CHD3: variants seen among roughly 807,000 people sequenced by gnomAD.
CHD3 encodes the protein ATP-dependent chromatin remodeler CHD3.
A neutral mutation model predicts 248.9 loss-of-function variants in CHD3; 52 were observed. The observed-to-expected ratio is 0.21, with a 90% CI of 0.17 to 0.26. CHD3 has a LOEUF of 0.26. CHD3 is among the 10% of genes least tolerant of loss of function. CHD3 has a pLI of 1.00. For missense variants in CHD3, 1,482 were observed against 2,605.8 expected (o/e 0.57, Z 9.39); for synonymous variants, 985 against 985.2 (o/e 1.00, Z 0.00).
chr17:7,903,879 C>T lies in CHD3; in HGVS notation c.3782C>T (p.Ala1261Val), dbSNP rs1195683270. The change falls in exon 24 of 40, where the codon GCT becomes GTT. Residue 1261 changes from alanine to valine, a missense_variant. Ala to Val is a moderately conservative substitution (Grantham distance 64, BLOSUM62 0). This residue lies in a region of CHD3 where 156 missense variants were observed against 420.3 expected (regional missense o/e 0.37). Transcript: ENST00000330494. The surrounding 1 kb of genome is among the most constrained non-coding windows in gnomAD (Gnocchi z 6.8). ...ATTCATTATGACAATGAGGCCATCG[C>T]TCGGCTGTTGGACCGGAACCAGGAT... Reference protein sequence around the residue: ...SVIHYDNEAIARLLDRNQDAT... With the variant: ...SVIHYDNEAIVRLLDRNQDAT... 1.2e-6 allele frequency: 2 copies of T among 1,614,112 alleles called. No homozygotes were observed. The highest frequency in any genetic ancestry group is 1.7e-6 in the Non-Finnish European group (2 of 1,180,008).
In CHD3 at chr17:7,897,354, A is replaced by C; in HGVS notation, c.1919+60A>C. ...ATATGACATTATTCTTACCATGGTG[A>C]TGGCCCCATGTTAGTATTTGCTGAT... On this transcript the variant is annotated intron_variant, in intron 11 of 39. Coordinates refer to ENST00000330494, the MANE Select transcript of CHD3 (RefSeq NM_001005273.3). This position sits in a 1 kb window ranked among gnomAD's most constrained non-coding sequence, Gnocchi z 4.8. The C allele has an allele frequency of 7.2e-7, 1 of 1,384,420 alleles. No individual in the cohort carries two copies. The highest frequency in any genetic ancestry group is 1.7e-5 in the Admixed American group (1 of 59,278). The allele number at this position is 1,384,420 out of a possible 1,614,324, so 85.8% of individuals were successfully genotyped here. A position where few individuals can be genotyped will look rare whatever the true frequency, so the allele number is the denominator to read the frequency against.
chr17:7,904,412 C>T lies in CHD3; in HGVS notation c.3895-30C>T. 1 of 1,597,090 alleles carries T rather than the reference C, an allele frequency of 6.3e-7. No individual in the cohort carries two copies. Among genetic ancestry groups the T allele is most frequent in the Non-Finnish European group, 8.6e-7 (1 of 1,167,242 alleles). On this transcript the variant is annotated intron_variant, in intron 24 of 39. Coordinates refer to ENST00000330494, the MANE Select transcript of CHD3 (RefSeq NM_001005273.3). The surrounding 1 kb of genome is among the most constrained non-coding windows in gnomAD (Gnocchi z 4.4). The stretch of plus-strand genomic sequence containing the variant: ...GAAGGATTAGCAAAGAAGGAGACCC[C>T]CAGTGTTCATTCATTCTGTTGCCCT...
chr17:7,905,338 G>T lies in CHD3; in HGVS notation c.4138+173G>T. The T allele has an allele frequency of 3.0e-6, 2 of 675,932 alleles. No homozygotes were observed. The highest frequency in any genetic ancestry group is 2.3e-5 in the Admixed American group (1 of 44,248). The allele number at this position is 675,932 out of a possible 1,614,324, so 41.9% of individuals were successfully genotyped here. ...ATAGTCTCTCTGCTAGTAAACTTCGGTGTGTGTGACCACATAGGCTAGATC... is the reference window on the plus strand; with the variant it reads ...ATAGTCTCTCTGCTAGTAAACTTCGTTGTGTGTGACCACATAGGCTAGATC... On this transcript the variant is annotated intron_variant, in intron 26 of 39. Coordinates refer to ENST00000330494, the MANE Select transcript of CHD3 (RefSeq NM_001005273.3). This position sits in a 1 kb window ranked among gnomAD's most constrained non-coding sequence, Gnocchi z 5.8.
chr17:7,895,590 C>A lies in CHD3; in HGVS notation c.1707+48C>A. On this transcript the variant is annotated intron_variant, in intron 10 of 39. Coordinates refer to ENST00000330494, the MANE Select transcript of CHD3 (RefSeq NM_001005273.3). The surrounding 1 kb of genome is among the most constrained non-coding windows in gnomAD (Gnocchi z 4.9). ...TCTCCCCCATGACCTCATTTCCTGC[C>A]ATCCTCTCCCTCTCTTACTCCTCTG... 6.7e-7 allele frequency: 1 copy of A among 1,492,064 alleles called. No individual in the cohort carries two copies. 92.4% of individuals were successfully genotyped at this position (1,492,064 alleles called of 1,614,324 possible). A position where few individuals can be genotyped will look rare whatever the true frequency, so the allele number is the denominator to read the frequency against.
In CHD3 at chr17:7,899,423, A is replaced by G. The variant is rs761662355; in HGVS notation, c.2424A>G (p.Ala808=). 4 of 1,614,134 alleles carry G rather than the reference A, an allele frequency of 2.5e-6. No homozygotes were observed. In the South Asian group the frequency reaches 4.4e-5, roughly 18 times the overall value. Residue 808 remains alanine (A), a synonymous_variant, in exon 15 of 40, where the codon GCA becomes GCG. Transcript: ENST00000330494. The surrounding 1 kb of genome is among the most constrained non-coding windows in gnomAD (Gnocchi z 6.8). Reference sequence around the variant, plus strand: ...GGGAGCGGGAGTTCCAGATGTGGGCACCCAAATTCTATGTGGTGACATACA... The same window carrying G: ...GGGAGCGGGAGTTCCAGATGTGGGCGCCCAAATTCTATGTGGTGACATACA... ...INWEREFQMW[A]PKFYVVTYTG...
chr17:7,903,397 G>A lies in CHD3; in HGVS notation c.3621G>A (p.Leu1207=). 1.9e-6 allele frequency: 3 copies of A among 1,614,216 alleles called. No individual in the cohort carries two copies. The highest frequency in any genetic ancestry group is 1.7e-6 in the Non-Finnish European group (2 of 1,180,042). The change falls in exon 23 of 40, where the codon CTG becomes CTA. Residue 1207 remains leucine, a synonymous_variant. Coordinates refer to ENST00000330494, the MANE Select transcript of CHD3 (RefSeq NM_001005273.3). The surrounding 1 kb of genome is among the most constrained non-coding windows in gnomAD (Gnocchi z 6.8). ...VAKRKMMLTH[L]VVRPGLGSKA... ...AGAGAAAGATGATGCTGACACACCT[G>A]GTTGTGCGGCCTGGGCTGGGCTCCA... is the stretch of plus-strand genomic sequence containing the variant.
At chr17:7,893,152 C>T in intron 4 of CHD3, 134 bp from the exon 5 acceptor site, 4 of 1,234,008 alleles carry the variant, frequency 3.2e-6, no homozygotes, top group South Asian at 2.2e-5. Context: ...TTTTAAATGG[C>T]TGTTTTTCCT....
rs776847662 is a variant in CHD3, at chr17:7,905,052, A to G, written c.4073-48A>G. 7.8e-6 allele frequency: 12 copies of G among 1,545,732 alleles called. No individual in the cohort carries two copies. The highest frequency in any genetic ancestry group is 2.7e-5 in the African/African-American group (2 of 73,460). ...AGCCAGAAAGGGCCTCAGCATGGGC[A>G]TATCCCGAGAGCCCTCCCTGACCAC... On this transcript the variant is annotated intron_variant, in intron 25 of 39. Transcript: ENST00000330494. This position sits in a 1 kb window ranked among gnomAD's most constrained non-coding sequence, Gnocchi z 5.8.
In CHD3 at chr17:7,895,195, C is replaced by G; in HGVS notation, c.1503+45C>G. On this transcript the variant is annotated intron_variant, in intron 9 of 39. Coordinates refer to ENST00000330494, the MANE Select transcript of CHD3 (RefSeq NM_001005273.3). This position sits in a 1 kb window ranked among gnomAD's most constrained non-coding sequence, Gnocchi z 4.9. ...CTCTGTATTTACTGTCAGGCCTGATCCCTTCCCCCATCCCTGGGGCCCACA... is the reference window on the plus strand; with the variant it reads ...CTCTGTATTTACTGTCAGGCCTGATGCCTTCCCCCATCCCTGGGGCCCACA... 1.3e-6 allele frequency: 2 copies of G among 1,596,502 alleles called. No homozygotes were observed. Among genetic ancestry groups the G allele is most frequent in the South Asian group, 2.3e-5 (2 of 88,596 alleles).
upstream of CHD3, chr17:7,885,046 G>GCCGCCA (rs1567824422): frequency 3.8e-6 from 4 of 1,049,022 alleles, no homozygotes; most frequent in Non-Finnish European, 4.6e-6. Context: ...CGCCGCCGCC[G>GCCGCCA]CCACCGCTGC....
Position 7,889,887 on chromosome 17 carries a change from G to A in CHD3, c.213+111G>A, listed in dbSNP as rs971097363. 2 of 1,106,266 alleles carry A rather than the reference G, an allele frequency of 1.8e-6. No individual in the cohort carries two copies. Among genetic ancestry groups the A allele is most frequent in the Non-Finnish European group, 2.6e-6 (2 of 764,246 alleles). The allele number at this position is 1,106,266 out of a possible 1,614,324, so 68.5% of individuals were successfully genotyped here. A position where few individuals can be genotyped will look rare whatever the true frequency, so the allele number is the denominator to read the frequency against. ...GTGTGGGGGTGGGGTTCTGAAGCCA[G>A]GGAGGCTTGATCCCCCGGGCCCCCC... is the stretch of plus-strand genomic sequence containing the variant. On this transcript the variant is annotated intron_variant, in intron 2 of 39. Transcript: ENST00000330494. This position sits in a 1 kb window ranked among gnomAD's most constrained non-coding sequence, Gnocchi z 4.5.
upstream of CHD3, chr17:7,885,307 C>CCCGCCGCCGCCGCCCCCGCCGCCG (rs1555603805): frequency 1.1e-4 from 17 of 157,276 alleles, no homozygotes; most frequent in African/African-American, 4.5e-4. Flanking sequence ...GCACCCCTCC[C>CCCGCCGCCGCCGCCCCCGCCGCCG]CCGCCGCCGC....
intron 19 of CHD3, 37 bp downstream of exon 19, chr17:7,901,030 T>C: frequency 6.3e-7 from 1 of 1,599,902 alleles, no homozygotes; most frequent in Admixed American, 1.7e-5. Flanking sequence ...CGAACGCCCA[T>C]TCTCAGAAAA....
rs1597981517 is a variant in CHD3 at position 7,903,712 on chromosome 17, G to A, written c.3728-113G>A. 1.9e-5 allele frequency: 24 copies of A among 1,238,566 alleles called. No individual in the cohort carries two copies. Among genetic ancestry groups the A allele is most frequent in the Non-Finnish European group, 2.6e-5 (23 of 895,044 alleles). The allele number at this position is 1,238,566 out of a possible 1,614,324, so 76.7% of individuals were successfully genotyped here. On this transcript the variant is annotated intron_variant, in intron 23 of 39. Transcript: ENST00000330494. The surrounding 1 kb of genome is among the most constrained non-coding windows in gnomAD (Gnocchi z 6.8). The stretch of plus-strand genomic sequence containing the variant: ...CAAAAACCTTTCAACATTGGCTCCC[G>A]GGGAAAAAGCCTTCTCTAGGGCTCC...
intron 8 of CHD3, 113 bp from the exon 9 acceptor site, chr17:7,894,804 C>T: frequency 6.6e-7 from 1 of 1,504,302 alleles, no homozygotes. Context: ...TCCTTAGTTC[C>T]CACCAGTCTT....
Position 7,890,582 on chromosome 17 carries a change from G to T in CHD3, c.225G>T (p.Glu75Asp). ...TTTCTTTCTCTTAGGACAGTGAGGA[G>T]GAATTTGGTTCTGAGCGAGATGAGT... ...PRKRKKRDSEEEFGSERDEYR... is the reference protein window; with the variant it reads ...PRKRKKRDSEDEFGSERDEYR... Residue 75 changes from glutamate (E) to aspartate (D), a missense_variant, in exon 3 of 40, where the codon GAG becomes GAT. Physicochemically the swap from Glu to Asp is conservative, Grantham distance 45 (BLOSUM62 2). Coordinates refer to ENST00000330494, the MANE Select transcript of CHD3 (RefSeq NM_001005273.3). 1 of 1,586,428 alleles carries T rather than the reference G, an allele frequency of 6.3e-7. No individual in the cohort carries two copies. The highest frequency in any genetic ancestry group is 8.5e-7 in the Non-Finnish European group (1 of 1,171,012).
rs1027134520 is a variant in CHD3 at position 7,908,235 on chromosome 17, C to T, written c.5153-167C>T. On this transcript the variant is annotated intron_variant, in intron 34 of 39. Coordinates refer to ENST00000330494, the MANE Select transcript of CHD3 (RefSeq NM_001005273.3). This position sits in a 1 kb window ranked among gnomAD's most constrained non-coding sequence, Gnocchi z 5.8. ...ATCCCACCTTTATTCTTAATTCTAACGAACCTGGTTAGAACTGAGTTTGTT... is the reference window on the plus strand; with the variant it reads ...ATCCCACCTTTATTCTTAATTCTAATGAACCTGGTTAGAACTGAGTTTGTT... Among the ~76,000 whole-genome samples, 3 of 152,318 alleles carry T rather than the reference C, an allele frequency of 2.0e-5. No individual in the cohort carries two copies. The highest frequency in any genetic ancestry group is 7.2e-5 in the African/African-American group (3 of 41,554).
chr17:7,910,870 T>C lies in CHD3; in HGVS notation c.5778T>C (p.Ala1926=), dbSNP rs1474507397. Residue 1926 remains alanine, a synonymous_variant, in exon 39 of 40, where the codon GCT becomes GCC. Coordinates refer to ENST00000330494, the MANE Select transcript of CHD3 (RefSeq NM_001005273.3). The surrounding 1 kb of genome is among the most constrained non-coding windows in gnomAD (Gnocchi z 4.7). ...AGGCCTACCCGCCGGGTCCCTACGC[T>C]ACACCTCCGGGGTACGGGGCGGCCT... ...PTPAYPPGPY[A]TPPGYGAAFS... The C allele has an allele frequency of 6.2e-7, 1 of 1,610,712 alleles. No individual in the cohort carries two copies. Among genetic ancestry groups the C allele is most frequent in the South Asian group, 1.1e-5 (1 of 90,712 alleles).
upstream of CHD3, chr17:7,884,896 G>A: frequency 1.9e-6 from 2 of 1,051,656 alleles, no homozygotes; most frequent in Admixed American, 2.9e-5. Context: ...AGGGCGACGA[G>A]GAGGAGGAGG....
Sources: allele counts gnomAD v4.1 joint callset (sites outside exome capture counted in the v4.1 genomes callset), GRCh38; gene constraint gnomAD v4.1.1; regional missense constraint gnomAD v4.1.1; non-coding constraint Gnocchi (gnomAD v3.1); transcripts MANE v1.5; gene names NCBI Gene and HGNC (gene_info 2026-07-23, HGNC 2026-07-21).